The following LRRIQ3 variants were observed in gnomAD, a reference collection of about 807,000 sequenced individuals.
LRRIQ3 encodes leucine rich repeats and IQ motif containing 3.
A neutral mutation model predicts 59.3 loss-of-function variants in LRRIQ3; 75 were observed. The observed-to-expected ratio is 1.26, with a 90% CI of 1.05 to 1.53. LRRIQ3 has a LOEUF of 1.53. Among genes scored for constraint, LRRIQ3 ranks in the 40% most tolerant of loss-of-function variants. LRRIQ3 has a pLI of 0.00. For missense variants in LRRIQ3, 831 were observed against 710.0 expected (o/e 1.17, Z -1.94); for synonymous variants, 250 against 231.3 (o/e 1.08, Z -0.73).
intron 1 of LRRIQ3, among the ~76,000 whole-genome samples, chr1:74,196,478 T>C (rs1160141728): frequency 6.6e-6 from 1 of 152,188 alleles, no homozygotes; most frequent in Admixed American, 6.5e-5. Context: ...TCCTGAATTC[T>C]AGACTCGTAT....
At chr1:74,085,797 G>T (rs1431550934) in intron 5 of LRRIQ3, among the ~76,000 whole-genome samples, 1 of 151,980 alleles carries the variant, frequency 6.6e-6, no homozygotes, top group Non-Finnish European at 1.5e-5. Flanking sequence ...ATATAGTGAT[G>T]CTTTTTATGT....
intron 4 of LRRIQ3, among the ~76,000 whole-genome samples, chr1:74,119,567 T>C (rs1225648157): frequency 6.6e-6 from 1 of 152,190 alleles, no homozygotes; most frequent in African/African-American, 2.4e-5. Flanking sequence ...TCTAATGTCC[T>C]ATATGTAATG....
rs114420726 is a variant in LRRIQ3 at position 74,156,972 on chromosome 1, T to C, written c.574-1106A>G. On this transcript the variant is annotated intron_variant, in intron 3 of 7. Coordinates refer to ENST00000354431, the MANE Select transcript of LRRIQ3 (RefSeq NM_001105659.2). ...TATCAACCCTATTACACTTAAAACATACACCTTTTCTGCATATACACTCAA... is the reference window on the plus strand; with the variant it reads ...TATCAACCCTATTACACTTAAAACACACACCTTTTCTGCATATACACTCAA... 4.7e-3 allele frequency among the ~76,000 whole-genome samples: 722 copies of C among 152,210 alleles called. 3 individuals carry two copies. Among genetic ancestry groups the C allele is most frequent in the Admixed American group, 6.8e-3 (104 of 15,284 alleles).
At chr1:74,039,098 T>G (rs935916922) in intron 7 of LRRIQ3, among the ~76,000 whole-genome samples, 57 of 152,108 alleles carry the variant, frequency 3.7e-4, no homozygotes, top group African/African-American at 1.4e-3. Context: ...TTAGAGAAGG[T>G]GCTAACTAGA....
chr1:74,060,269 C>G (rs1435706179), intron 6 of LRRIQ3, among the ~76,000 whole-genome samples: 3 of 148,910 alleles, frequency 2.0e-5, no homozygotes, highest in Non-Finnish European at 4.5e-5. Context: ...TCTTCCTCTT[C>G]TTTCTCTTCC....
intron 7 of LRRIQ3, among the ~76,000 whole-genome samples, chr1:74,031,376 T>C (rs1653706495): frequency 6.6e-6 from 1 of 152,114 alleles, no homozygotes; most frequent in Non-Finnish European, 1.5e-5. Context: ...TGTCCAACAA[T>C]GATAGACTGG....
At chr1:74,133,767 G>A (rs946436022) in intron 4 of LRRIQ3, among the ~76,000 whole-genome samples, 1 of 151,934 alleles carries the variant, frequency 6.6e-6, no homozygotes, top group Non-Finnish European at 1.5e-5. Flanking sequence ...TGTAAATGAC[G>A]AGTTAATGGG....
chr1:74,090,459 G>C (rs552537428), intron 5 of LRRIQ3, among the ~76,000 whole-genome samples: 7 of 151,982 alleles, frequency 4.6e-5, no homozygotes, highest in Non-Finnish European at 7.4e-5. Flanking sequence ...AAGAGATAAT[G>C]ATTATCAGGT....
chr1:74,140,900 T>C (rs1055298212), intron 4 of LRRIQ3, among the ~76,000 whole-genome samples: 1 of 151,804 alleles, frequency 6.6e-6, no homozygotes, highest in African/African-American at 2.4e-5. Context: ...AAAACATACA[T>C]ACATTCCATA....
At chr1:74,136,112 C>A (rs1647119399) in intron 4 of LRRIQ3, among the ~76,000 whole-genome samples, 1 of 151,508 alleles carries the variant, frequency 6.6e-6, no homozygotes. Flanking sequence ...AGTATTATGC[C>A]AACAAATTGG....
At chr1:74,185,941 C>T (rs1047504228) in intron 1 of LRRIQ3, among the ~76,000 whole-genome samples, 7 of 151,710 alleles carry the variant, frequency 4.6e-5, no homozygotes, top group African/African-American at 1.4e-4. Flanking sequence ...AAAACCAACA[C>T]CGATCAACAT....
intron 5 of LRRIQ3, among the ~76,000 whole-genome samples, chr1:74,089,338 C>G (rs140734057): frequency 6.6e-6 from 1 of 152,008 alleles, no homozygotes; most frequent in South Asian, 2.1e-4. Context: ...AACATATATT[C>G]ATTCAGCAAT....
At chr1:74,100,320 G>C (rs750313740) in intron 5 of LRRIQ3, among the ~76,000 whole-genome samples, 10 of 152,258 alleles carry the variant, frequency 6.6e-5, no homozygotes, top group Admixed American at 3.3e-4. Context: ...GCTTCAAAGA[G>C]AGTAAAATAC....
chr1:74,171,225 T>C (rs1010340689), intron 3 of LRRIQ3, among the ~76,000 whole-genome samples: 3 of 152,152 alleles, frequency 2.0e-5, no homozygotes, highest in Non-Finnish European at 4.4e-5. Flanking sequence ...TTCCATATCT[T>C]AGGAAAAAAA....
intron 4 of LRRIQ3, chr1:74,138,490 A>G (rs1647166789): frequency 8.1e-6 from 8 of 984,864 alleles, no homozygotes; most frequent in Non-Finnish European, 9.6e-6. Context: ...TCAGCTAGGC[A>G]TGTCAAGTTG....
chr1:74,101,140 C>A (rs1168909640), intron 5 of LRRIQ3, among the ~76,000 whole-genome samples: 1 of 151,816 alleles, frequency 6.6e-6, no homozygotes, highest in Non-Finnish European at 1.5e-5. Flanking sequence ...AACAGGAGAA[C>A]ATTTTTGCAA....
In LRRIQ3 at chr1:74,070,197, AT is replaced by A. The variant is rs1383861146; in HGVS notation, c.997+4463del. Reference sequence around the variant, plus strand: ...ATGCACACATGTTCATTGCAGCACTATTCTCAATAGCAAAGACATGTAATCA... The same window carrying A: ...ATGCACACATGTTCATTGCAGCACTATCTCAATAGCAAAGACATGTAATCA... On this transcript the variant is annotated intron_variant, in intron 6 of 7. Coordinates refer to ENST00000354431, the MANE Select transcript of LRRIQ3 (RefSeq NM_001105659.2). Among the ~76,000 whole-genome samples, 3 of 152,242 alleles carry A rather than the reference AT, an allele frequency of 2.0e-5. No homozygotes were observed. The East Asian group carries it at 5.8e-4, about 29-fold the overall frequency.
intron 4 of LRRIQ3, among the ~76,000 whole-genome samples, chr1:74,145,040 T>C (rs1292569698): frequency 6.6e-6 from 1 of 152,108 alleles, no homozygotes; most frequent in Non-Finnish European, 1.5e-5. Flanking sequence ...CAAAAATAGA[T>C]TAATGTACAT....
At chr1:74,031,170 T>C (rs1362348178) in intron 7 of LRRIQ3, among the ~76,000 whole-genome samples, 1 of 152,170 alleles carries the variant, frequency 6.6e-6, no homozygotes, top group Non-Finnish European at 1.5e-5. Context: ...GGTGGGACTG[T>C]AGACTAGTTC....
Sources: gnomAD v4.1 joint callset for allele counts (sites outside exome capture counted in the v4.1 genomes callset) on GRCh38, gnomAD v4.1.1 for gene constraint, MANE v1.5 for transcripts, NCBI Gene and HGNC (gene_info 2026-07-23, HGNC 2026-07-21) for gene names.